ZNF618: variants seen among roughly 807,000 people sequenced by gnomAD.
ZNF618 encodes neural precursor cell expressed, developmentally down-regulated 10.
A neutral mutation model predicts 103.0 loss-of-function variants in ZNF618; 34 were observed. That is an observed-to-expected ratio of 0.33 (90% CI 0.25 to 0.44). The LOEUF is 0.44. Ranked by LOEUF, ZNF618 falls within the 20% of genes least tolerant of loss-of-function variation. ZNF618 has a pLI of 1.00. For synonymous variants in ZNF618, 551 were observed against 542.2 expected, an observed-to-expected ratio of 1.02 and a Z score of -0.23; for missense variants, 1,059 against 1,295.4, an observed-to-expected ratio of 0.82 and a Z score of 2.80.
intron 1 of ZNF618, among the ~76,000 whole-genome samples, chr9:113,924,022 A>T (rs543483836): frequency 6.6e-6 from 1 of 152,180 alleles, no homozygotes; most frequent in African/African-American, 2.4e-5. Flanking sequence ...GCATTAGAGT[A>T]ATGTTAGTGT....
chr9:114,007,302 A>G, intron 6 of ZNF618, 48 bp from the exon 7 acceptor site: 1 of 1,575,386 alleles, frequency 6.3e-7, no homozygotes, highest in Non-Finnish European at 8.7e-7. Context: ...ACCCCACCCC[A>G]CAAGACTGAA....
At chr9:113,912,150 G>T (rs1831612416) in intron 1 of ZNF618, among the ~76,000 whole-genome samples, 1 of 152,206 alleles carries the variant, frequency 6.6e-6, no homozygotes, top group Admixed American at 6.5e-5. Flanking sequence ...GGGAAGTTGA[G>T]GCTAAGGAGA....
At chr9:114,023,034 A>C (rs1265528687) in intron 10 of ZNF618, among the ~76,000 whole-genome samples, 2 of 152,052 alleles carry the variant, frequency 1.3e-5, no homozygotes, top group Admixed American at 1.3e-4. Context: ...TTGTATTTGA[A>C]GTATGTATAT....
chr9:114,019,597 T>C (rs1374413535), intron 10 of ZNF618, among the ~76,000 whole-genome samples: 3 of 152,248 alleles, frequency 2.0e-5, no homozygotes, highest in Non-Finnish European at 4.4e-5. Context: ...ACTAATGACG[T>C]TGAACATCTT....
At chr9:113,963,271 T>C (rs1390862445) in intron 1 of ZNF618, among the ~76,000 whole-genome samples, 1 of 152,248 alleles carries the variant, frequency 6.6e-6, no homozygotes, top group Non-Finnish European at 1.5e-5. Flanking sequence ...CATATCTTCC[T>C]GCAAGGTTAA....
At chr9:113,927,556 A>G (rs1031560932) in intron 1 of ZNF618, among the ~76,000 whole-genome samples, 2 of 152,150 alleles carry the variant, frequency 1.3e-5, no homozygotes, top group East Asian at 3.8e-4. Context: ...TGACCTTTAC[A>G]TGTGCTTGTG....
intron 1 of ZNF618, among the ~76,000 whole-genome samples, chr9:113,964,728 C>G (rs1258418410): frequency 6.9e-6 from 1 of 145,444 alleles, no homozygotes; most frequent in Non-Finnish European, 1.5e-5. Flanking sequence ...AAGAAAAGAG[C>G]AAATTCTACC....
At chr9:113,916,090 GTGTGTC>G (rs1225701687) in intron 1 of ZNF618, among the ~76,000 whole-genome samples, 2 of 151,924 alleles carry the variant, frequency 1.3e-5, no homozygotes, top group Admixed American at 1.3e-4. Flanking sequence ...GTGTGTGTGT[GTGTGTC>G]TGTGTGACTG....
chr9:113,943,398 G>C (rs1236769271), intron 1 of ZNF618, among the ~76,000 whole-genome samples: 3 of 152,180 alleles, frequency 2.0e-5, no homozygotes, highest in African/African-American at 4.8e-5. Flanking sequence ...GTGTACAGAA[G>C]CCTGGAGCCA....
At chr9:114,033,389 A>AAG (rs10624141) in intron 12 of ZNF618, among the ~76,000 whole-genome samples, 12,132 of 146,868 alleles carry the variant, frequency 0.083, 628 homozygotes, top group Non-Finnish European at 0.12. Context: ...CTGTCTCAAA[A>AAG]AGAGAGAGAG....
intron 2 of ZNF618, among the ~76,000 whole-genome samples, chr9:113,974,554 A>T (rs1327183105): frequency 1.3e-5 from 2 of 152,068 alleles, no homozygotes; most frequent in Admixed American, 6.6e-5. Flanking sequence ...GACAGACAGG[A>T]CCTTACACAG....
chr9:113,966,718 A>G (rs1479282353), intron 1 of ZNF618, among the ~76,000 whole-genome samples: 1 of 152,112 alleles, frequency 6.6e-6, no homozygotes, highest in Non-Finnish European at 1.5e-5. Flanking sequence ...CACTGAATCC[A>G]TTGTCCATCC....
chr9:113,953,712 C>T (rs1033554165), intron 1 of ZNF618, among the ~76,000 whole-genome samples: 1 of 152,142 alleles, frequency 6.6e-6, no homozygotes, highest in Non-Finnish European at 1.5e-5. Context: ...ATTCCTGCCT[C>T]ACTCCAGACT....
At position 114,028,896 on chromosome 9, in the gene ZNF618, C is replaced by G; in HGVS notation, c.1008C>G (p.His336Gln). ...ASVVRCATLLHRTPPATQTQT... is the reference protein window; with the variant it reads ...ASVVRCATLLQRTPPATQTQT... Reference sequence around the variant, plus strand: ...TGGTCCGATGTGCCACCCTCTTACACCGCACCCCTCCAGCCACCCAAACCC... The same window carrying G: ...TGGTCCGATGTGCCACCCTCTTACAGCGCACCCCTCCAGCCACCCAAACCC... The change falls in exon 11 of 15, where the codon CAC becomes CAG. Residue 336 changes from histidine to glutamine, a missense_variant. By Grantham distance (24) the His-to-Gln change is conservative. Coordinates refer to ENST00000374126, the MANE Select transcript of ZNF618 (RefSeq NM_001318042.2). 1 of 1,550,510 alleles carries G rather than the reference C, an allele frequency of 6.4e-7. No individual in the cohort carries two copies. The highest frequency in any genetic ancestry group is 8.7e-7 in the Non-Finnish European group (1 of 1,146,768).
intron 4 of ZNF618, among the ~76,000 whole-genome samples, chr9:114,001,117 C>T (rs2133625530): frequency 6.6e-6 from 1 of 152,276 alleles, no homozygotes; most frequent in African/African-American, 2.4e-5. Context: ...CCCTGGGGTC[C>T]CTGCCAGGCT....
chr9:113,930,070 G>A (rs1042433777), intron 1 of ZNF618, among the ~76,000 whole-genome samples: 1 of 152,172 alleles, frequency 6.6e-6, no homozygotes, highest in Non-Finnish European at 1.5e-5. Flanking sequence ...GTCCTAGGTT[G>A]TGATAAACCA....
intron 10 of ZNF618, among the ~76,000 whole-genome samples, chr9:114,024,655 C>G (rs753424585): frequency 1.3e-5 from 2 of 152,198 alleles, no homozygotes; most frequent in African/African-American, 2.4e-5. Flanking sequence ...AAGGTCTCGC[C>G]TCTCTGGCTA....
chr9:113,882,571 C>T (rs148684800), intron 1 of ZNF618, among the ~76,000 whole-genome samples: 4 of 152,256 alleles, frequency 2.6e-5, no homozygotes, highest in African/African-American at 4.8e-5. Flanking sequence ...CAAAGTTAGG[C>T]GACAAGTGAG....
At chr9:113,958,029 C>G (rs1255323947) in intron 1 of ZNF618, among the ~76,000 whole-genome samples, 1 of 151,940 alleles carries the variant, frequency 6.6e-6, no homozygotes, top group Non-Finnish European at 1.5e-5. Context: ...ATGACTCACT[C>G]TTTTGTAAAT....
Sources: allele counts gnomAD v4.1 joint callset (sites outside exome capture counted in the v4.1 genomes callset), GRCh38; gene constraint gnomAD v4.1.1; transcripts MANE v1.5; gene names NCBI Gene and HGNC (gene_info 2026-07-23, HGNC 2026-07-21).